Variants in CHRM5 observed in about 807,000 individuals in gnomAD.
The protein encoded by CHRM5 is cholinergic receptor muscarinic 5.
CHRM5 carries 18 observed loss-of-function variants against 39.0 expected under a neutral mutation model. The ratio of observed to expected loss-of-function variants is 0.46; its 90% CI spans 0.32 to 0.68. The LOEUF (loss-of-function observed/expected upper bound fraction) is 0.68. Among genes scored for constraint, CHRM5 ranks in the 30% least tolerant of loss-of-function variants. CHRM5 has a pLI of 0.04. For synonymous variants in CHRM5, 241 were observed against 246.3 expected, an observed-to-expected ratio of 0.98 and a Z score of 0.20; for missense variants, 515 against 651.1, an observed-to-expected ratio of 0.79 and a Z score of 2.28.
intron 1 of CHRM5, among the ~76,000 whole-genome samples, chr15:33,981,988 C>T (rs1013098397): frequency 2.0e-5 from 3 of 151,872 alleles, no homozygotes; most frequent in East Asian, 3.9e-4. Flanking sequence ...GTAGCTGGGA[C>T]TACAGGTACA....
chr15:34,036,173 T>C (rs1899116325), intron 1 of CHRM5, among the ~76,000 whole-genome samples: 1 of 152,052 alleles, frequency 6.6e-6, no homozygotes, highest in African/African-American at 2.4e-5. Context: ...GTGAAGATAA[T>C]TATGCTCACC....
intron 1 of CHRM5, among the ~76,000 whole-genome samples, chr15:34,035,724 C>T (rs1243169676): frequency 3.3e-5 from 5 of 152,264 alleles, no homozygotes; most frequent in Admixed American, 3.3e-4. Context: ...TGCTAACAGC[C>T]CATCACAAAG....
chr15:33,994,684 G>A (rs997207982), intron 1 of CHRM5, among the ~76,000 whole-genome samples: 1 of 152,172 alleles, frequency 6.6e-6, no homozygotes, highest in Admixed American at 6.5e-5. Flanking sequence ...CAGTGTGTGT[G>A]AAATAGAAAT....
At chr15:33,973,629 G>T (rs476814) in intron 1 of CHRM5, among the ~76,000 whole-genome samples, 117,200 of 152,148 alleles carry the variant, frequency 0.77, 52,628 homozygotes, top group Non-Finnish European at 0.97. Flanking sequence ...ATCGCTTGAG[G>T]CCAGGAGTTC....
intron 1 of CHRM5, among the ~76,000 whole-genome samples, chr15:34,031,544 A>G (rs935427912): frequency 2.0e-5 from 3 of 152,194 alleles, no homozygotes; most frequent in Non-Finnish European, 4.4e-5. Context: ...AGAAATATGG[A>G]TCAGACAGAT....
chr15:33,996,621 T>G (rs1443944446), intron 1 of CHRM5, among the ~76,000 whole-genome samples: 1 of 152,116 alleles, frequency 6.6e-6, no homozygotes, highest in African/African-American at 2.4e-5. Flanking sequence ...GACCTGACTG[T>G]TAGAAGGAAA....
At chr15:34,041,640 G>A (rs1899480589) in intron 1 of CHRM5, among the ~76,000 whole-genome samples, 1 of 152,188 alleles carries the variant, frequency 6.6e-6, no homozygotes, top group African/African-American at 2.4e-5. Context: ...CCATTTTAGA[G>A]AGAGATTGGT....
At chr15:33,985,061 C>T (rs1293146946) in intron 1 of CHRM5, among the ~76,000 whole-genome samples, 1 of 152,062 alleles carries the variant, frequency 6.6e-6, no homozygotes, top group Non-Finnish European at 1.5e-5. Flanking sequence ...CACTCTGTAC[C>T]TGTCACACTG....
At chr15:34,005,525 G>C (rs1897305048) in intron 1 of CHRM5, among the ~76,000 whole-genome samples, 1 of 152,150 alleles carries the variant, frequency 6.6e-6, no homozygotes, top group Admixed American at 6.5e-5. Context: ...AAATACAGAT[G>C]CTGCTTTGAA....
intron 2 of CHRM5, among the ~76,000 whole-genome samples, chr15:34,050,182 C>T (rs966088572): frequency 2.6e-5 from 4 of 152,182 alleles, no homozygotes; most frequent in Non-Finnish European, 5.9e-5. Context: ...GCCCCCATGC[C>T]TGGCCTCAAC....
chr15:34,045,920 A>G (rs1899666186), intron 1 of CHRM5, among the ~76,000 whole-genome samples: 1 of 152,178 alleles, frequency 6.6e-6, no homozygotes, highest in African/African-American at 2.4e-5. Context: ...TTACTGTGGG[A>G]GTCTTTGTCT....
At chr15:33,984,833 A>T (rs576507805) in intron 1 of CHRM5, among the ~76,000 whole-genome samples, 313 of 152,270 alleles carry the variant, frequency 2.1e-3, no homozygotes, top group East Asian at 2.1e-3. Flanking sequence ...ATCACACCCA[A>T]TAACCACAAA....
intron 2 of CHRM5, among the ~76,000 whole-genome samples, chr15:34,061,278 A>G (rs747041919): frequency 3.9e-5 from 6 of 152,132 alleles, no homozygotes; most frequent in Non-Finnish European, 8.8e-5. Context: ...CTACAAAGGG[A>G]AAATTTCATT....
chr15:33,983,526 G>C (rs934096538), intron 1 of CHRM5, among the ~76,000 whole-genome samples: 1 of 152,072 alleles, frequency 6.6e-6, no homozygotes. Flanking sequence ...TTGACCTCTT[G>C]TCCAAGGCAA....
Position 33,968,918 on chromosome 15 carries a change from C to T in CHRM5, c.-640C>T, listed in dbSNP as rs923665413. On this transcript the variant is annotated 5_prime_UTR_variant, in exon 1 of 3. Transcript: ENST00000383263. ...ATCAACTGCTGTTACCAGATAAAGGCAAAACTCACCCTTCTGGTTCTATAA... is the reference window on the plus strand; with the variant it reads ...ATCAACTGCTGTTACCAGATAAAGGTAAAACTCACCCTTCTGGTTCTATAA... 2 of 152,074 alleles carry T rather than the reference C, an allele frequency of 1.3e-5. No homozygotes were observed. Among genetic ancestry groups the T allele is most frequent in the African/African-American group, 4.8e-5 (2 of 41,420 alleles). 9.4% of individuals were successfully genotyped at this position (152,074 alleles called of 1,614,324 possible). A position where few individuals can be genotyped will look rare whatever the true frequency, so the allele number is the denominator to read the frequency against.
At chr15:34,013,995 G>A (rs8033306) in intron 1 of CHRM5, among the ~76,000 whole-genome samples, 19,597 of 151,984 alleles carry the variant, frequency 0.13, 1,656 homozygotes, top group African/African-American at 0.23. Context: ...AGCAAAGAAC[G>A]TGCTTCTAAC....
intron 1 of CHRM5, among the ~76,000 whole-genome samples, chr15:33,999,977 C>T (rs1486990708): frequency 6.6e-6 from 1 of 152,200 alleles, no homozygotes; most frequent in African/African-American, 2.4e-5. Context: ...TTTCTGACCC[C>T]ATCGCATATT....
At chr15:33,995,492 T>G (rs1471578725) in intron 1 of CHRM5, among the ~76,000 whole-genome samples, 1 of 152,214 alleles carries the variant, frequency 6.6e-6, no homozygotes, top group Non-Finnish European at 1.5e-5. Flanking sequence ...TCCTAGATTT[T>G]GGTATCCACA....
intron 1 of CHRM5, among the ~76,000 whole-genome samples, chr15:34,040,923 T>A: frequency 6.6e-6 from 1 of 150,992 alleles, no homozygotes; most frequent in South Asian, 2.1e-4. Context: ...GATTTCAACA[T>A]GAATTTTGAG....
Sources: allele counts gnomAD v4.1 joint callset (sites outside exome capture counted in the v4.1 genomes callset), GRCh38; gene constraint gnomAD v4.1.1; transcripts MANE v1.5; gene names NCBI Gene and HGNC (gene_info 2026-07-23, HGNC 2026-07-21).